The following NRG1 variants were observed in gnomAD, a reference collection of about 807,000 sequenced individuals.
NRG1 encodes the protein pro-neuregulin-1, membrane-bound isoform.
A neutral mutation model predicts 63.8 loss-of-function variants in NRG1; 18 were observed. The observed-to-expected ratio is 0.28, with a 90% CI of 0.19 to 0.42. The LOEUF (loss-of-function observed/expected upper bound fraction) is 0.42, where lower values mean the gene tolerates loss of function less well. Among genes scored for constraint, NRG1 ranks in the 10% least tolerant of loss-of-function variants. The probability of loss-of-function intolerance (pLI) is 1.00; values close to 1 mark genes in which losing one functional copy is unlikely to be tolerated. For missense variants in NRG1, 762 were observed against 814.7 expected (o/e 0.94, Z 0.79); for synonymous variants, 302 against 301.3 (o/e 1.00, Z -0.02).
chr8:32,762,610 G>A (rs1830924887), intron 11 of NRG1, among the ~76,000 whole-genome samples: 1 of 152,194 alleles, frequency 6.6e-6, no homozygotes, highest in Non-Finnish European at 1.5e-5. Flanking sequence ...GGGAGAAGCA[G>A]GGAGGTTCAT....
chr8:32,137,740 G>A (rs1004388828), intron 1 of NRG1, among the ~76,000 whole-genome samples: 4 of 152,004 alleles, frequency 2.6e-5, no homozygotes, highest in Admixed American at 2.6e-4. Flanking sequence ...CTCATCCCTC[G>A]AGATGTGGTT....
intron 1 of NRG1, among the ~76,000 whole-genome samples, chr8:32,337,679 A>AAAAAAAAAAAAAAAAAAAAAAAAAAC (rs1803479177): frequency 9.0e-6 from 1 of 111,502 alleles, no homozygotes; most frequent in African/African-American, 3.1e-5. Context: ...AAAAAAAAAA[A>AAAAAAAAAAAAAAAAAAAAAAAAAAC]AAAGCTGATG....
At chr8:32,319,963 G>A (rs1801185716) in intron 1 of NRG1, among the ~76,000 whole-genome samples, 1 of 152,046 alleles carries the variant, frequency 6.6e-6, no homozygotes, top group Non-Finnish European at 1.5e-5. Context: ...TATAGTGCGT[G>A]ACCTTAGCCC....
rs765294775 is a variant in NRG1 at position 31,640,627 on chromosome 8, A to G, written c.37+1196A>G. ...CTTCTTCATGGAGCCCGACGCCAAC[A>G]GCACCAGCCGCGCGCCGGCCGCCTT... is the stretch of plus-strand genomic sequence containing the variant. On this transcript the variant is annotated intron_variant, in intron 1 of 10. Transcript: ENST00000519301. The surrounding 1 kb of genome is among the most constrained non-coding windows in gnomAD (Gnocchi z 6.3). The G allele has an allele frequency of 9.3e-6, 15 of 1,610,394 alleles. No individual in the cohort carries two copies. The highest frequency in any genetic ancestry group is 1.7e-4 in the Middle Eastern group (1 of 6,054).
chr8:32,351,804 C>G (rs1413992605), intron 1 of NRG1, among the ~76,000 whole-genome samples: 2 of 152,188 alleles, frequency 1.3e-5, no homozygotes, highest in Non-Finnish European at 2.9e-5. Context: ...TTTTTTACCA[C>G]AGTGAACTTG....
intron 1 of NRG1, among the ~76,000 whole-genome samples, chr8:32,004,907 A>C (rs1813506253): frequency 6.6e-6 from 1 of 151,836 alleles, no homozygotes; most frequent in African/African-American, 2.4e-5. Context: ...ATTTAAGGGT[A>C]ATTAATACAA....
chr8:32,465,203 T>C (rs1334994965), intron 1 of NRG1, among the ~76,000 whole-genome samples: 1 of 152,050 alleles, frequency 6.6e-6, no homozygotes, highest in Admixed American at 6.6e-5. Flanking sequence ...AAACCAATAA[T>C]AGAAACTTTA....
At chr8:32,593,526 C>T (rs188970894) in intron 1 of NRG1, among the ~76,000 whole-genome samples, 68 of 152,008 alleles carry the variant, frequency 4.5e-4, no homozygotes, top group Admixed American at 4.0e-3. Context: ...TGGTATCATG[C>T]ACTTCTGGTT....
intron 1 of NRG1, among the ~76,000 whole-genome samples, chr8:32,375,915 C>G (rs1397527264): frequency 6.6e-6 from 1 of 152,174 alleles, no homozygotes; most frequent in African/African-American, 2.4e-5. Context: ...TTGACTTACT[C>G]CTCTCTTCTC....
chr8:32,250,619 G>C (rs1281016671), intron 1 of NRG1, among the ~76,000 whole-genome samples: 1 of 152,072 alleles, frequency 6.6e-6, no homozygotes, highest in African/African-American at 2.4e-5. Context: ...CACACAGTTT[G>C]AAGTCCACTG....
chr8:31,993,819 G>T (rs1462874), intron 1 of NRG1, among the ~76,000 whole-genome samples: 102,547 of 151,824 alleles, frequency 0.68, 37,339 homozygotes, highest in Non-Finnish European at 0.82. Flanking sequence ...GCTCACCCAT[G>T]CAATTGCCTT....
chr8:31,729,918 C>A (rs966636186), intron 1 of NRG1, among the ~76,000 whole-genome samples: 1 of 152,048 alleles, frequency 6.6e-6, no homozygotes, highest in African/African-American at 2.4e-5. Context: ...CCTGGAGGAG[C>A]CCAATTCTTT....
At chr8:32,419,455 G>A (rs569003487) in intron 1 of NRG1, among the ~76,000 whole-genome samples, 49 of 152,182 alleles carry the variant, frequency 3.2e-4, no homozygotes, top group African/African-American at 1.2e-3. Flanking sequence ...CTCTGTCAAG[G>A]GGCATCACAA....
intron 1 of NRG1, among the ~76,000 whole-genome samples, chr8:32,404,016 C>A (rs976247396): frequency 6.6e-6 from 1 of 152,182 alleles, no homozygotes; most frequent in African/African-American, 2.4e-5. Context: ...TTACCATGCA[C>A]CTTACACTTT....
At chr8:31,966,452 A>G (rs1165634385) in intron 1 of NRG1, among the ~76,000 whole-genome samples, 4 of 152,232 alleles carry the variant, frequency 2.6e-5, no homozygotes, top group Non-Finnish European at 5.9e-5. Flanking sequence ...GACATTTGAT[A>G]GTTAGCCAAA....
rs1053899627 is a variant in NRG1 at position 32,754,571 on chromosome 8, G to A, written c.794+97G>A. 1.1e-5 allele frequency: 12 copies of A among 1,114,044 alleles called. No individual in the cohort carries two copies. In the African/African-American group the frequency reaches 1.7e-4, roughly 16 times the overall value. The allele number at this position is 1,114,044 out of a possible 1,614,324, so 69.0% of individuals were successfully genotyped here. On this transcript the variant is annotated intron_variant, in intron 8 of 11. Transcript: ENST00000356819. Reference sequence around the variant, plus strand: ...AATCTGAGCTCCACAGCCTAGTCTTGGGGATAAAAAAAAAAGGAGGGGCAG... The same window carrying A: ...AATCTGAGCTCCACAGCCTAGTCTTAGGGATAAAAAAAAAAGGAGGGGCAG...
chr8:32,243,070 C>T (rs988229891), intron 1 of NRG1, among the ~76,000 whole-genome samples: 1 of 151,990 alleles, frequency 6.6e-6, no homozygotes, highest in Non-Finnish European at 1.5e-5. Context: ...TGTGTCTCTC[C>T]ATGTCATTTT....
chr8:32,709,768 G>A (rs991365944), intron 5 of NRG1, among the ~76,000 whole-genome samples: 2 of 152,114 alleles, frequency 1.3e-5, no homozygotes, highest in African/African-American at 4.8e-5. Context: ...CTGAGAACAT[G>A]TGTGCCTGTA....
At chr8:32,638,570 C>T (rs1851759462) in intron 5 of NRG1, among the ~76,000 whole-genome samples, 1 of 152,274 alleles carries the variant, frequency 6.6e-6, no homozygotes, top group Admixed American at 6.5e-5. Context: ...TCAGGCAATC[C>T]TCCTGCCTCA....
Sources: allele counts gnomAD v4.1 joint callset (sites outside exome capture counted in the v4.1 genomes callset), GRCh38; gene constraint gnomAD v4.1.1; non-coding constraint Gnocchi (gnomAD v3.1); transcripts MANE v1.5; gene names NCBI Gene and HGNC (gene_info 2026-07-23, HGNC 2026-07-21).